PARM1: variants seen among roughly 807,000 people sequenced by gnomAD.
PARM1 encodes prostate androgen-regulated mucin-like protein 1, also known as WSC4, cell wall integrity and stress response component 4 homolog.
In PARM1, 14 loss-of-function variants were observed where a neutral mutation model predicts 24.6. That is an observed-to-expected ratio of 0.57 (90% CI 0.38 to 0.89). The LOEUF is 0.89. Ranked by LOEUF, PARM1 falls within the 40% of genes least tolerant of loss-of-function variation. The probability of loss-of-function intolerance (pLI) is 0.00; values close to 1 mark genes in which losing one functional copy is unlikely to be tolerated. For missense variants in PARM1, 362 were observed against 380.4 expected, an observed-to-expected ratio of 0.95 and a Z score of 0.40; for synonymous variants, 179 against 156.6, an observed-to-expected ratio of 1.14 and a Z score of -1.07.
At chr4:74,941,508 G>A (rs1721309579) in intron 1 of PARM1, among the ~76,000 whole-genome samples, 1 of 152,088 alleles carries the variant, frequency 6.6e-6, no homozygotes, top group African/African-American at 2.4e-5. Context: ...GAGTACTAAG[G>A]CTCAAACCAA....
At chr4:75,046,103 G>A (rs528957323) in intron 3 of PARM1, 60 bp from the exon 4 acceptor site, 10 of 1,059,040 alleles carry the variant, frequency 9.4e-6, no homozygotes, top group South Asian at 5.3e-5. Flanking sequence ...AGGGCATTAC[G>A]CTGTCCTCAG....
At chr4:74,935,734 C>G (rs537587121) in intron 1 of PARM1, among the ~76,000 whole-genome samples, 1 of 152,290 alleles carries the variant, frequency 6.6e-6, no homozygotes, top group East Asian at 1.9e-4. Flanking sequence ...TCAAAGTATA[C>G]ATAGTATTTC....
At chr4:74,943,064 A>G (rs988498386) in intron 1 of PARM1, among the ~76,000 whole-genome samples, 26 of 152,054 alleles carry the variant, frequency 1.7e-4, no homozygotes, top group African/African-American at 6.3e-4. Context: ...CCATATGACT[A>G]ATTCCCTCAC....
intron 1 of PARM1, among the ~76,000 whole-genome samples, chr4:74,965,981 C>T (rs1165279594): frequency 1.3e-5 from 2 of 152,088 alleles, no homozygotes; most frequent in Non-Finnish European, 2.9e-5. Flanking sequence ...AGCCATCTAC[C>T]AATGTTGGTT....
chr4:74,957,148 A>G (rs1266708682), intron 1 of PARM1: 3 of 152,254 alleles, frequency 2.0e-5, no homozygotes, highest in Non-Finnish European at 4.4e-5. Flanking sequence ...GGCACTTCAC[A>G]GACATTTTAA....
At chr4:75,010,250 T>A (rs1469691150) in intron 1 of PARM1, among the ~76,000 whole-genome samples, 1 of 152,252 alleles carries the variant, frequency 6.6e-6, no homozygotes, top group Non-Finnish European at 1.5e-5. Context: ...AATAAGCCAG[T>A]CATAAAAGGA....
intron 1 of PARM1, among the ~76,000 whole-genome samples, chr4:75,000,390 T>TTA (rs1722655265): frequency 6.6e-6 from 1 of 152,198 alleles, no homozygotes; most frequent in Non-Finnish European, 1.5e-5. Flanking sequence ...AGTCTGGAGA[T>TTA]AGGCATCCTA....
intron 1 of PARM1, among the ~76,000 whole-genome samples, chr4:74,951,202 A>G (rs924346410): frequency 6.6e-6 from 1 of 152,176 alleles, no homozygotes. Flanking sequence ...TATGTTAGAG[A>G]CAAATTTCAA....
At position 74,934,077 on chromosome 4, in the gene PARM1, C is replaced by A. The variant is rs1357655603; in HGVS notation, c.43+707C>A. On this transcript the variant is annotated intron_variant, in intron 1 of 3. Coordinates refer to ENST00000307428, the MANE Select transcript of PARM1 (RefSeq NM_015393.4). ...CTCCCCCTGCACCACCTCTGAAAGGCTTCGTAGGAGCCACTCTCGGGTTTC... is the reference window on the plus strand; with the variant it reads ...CTCCCCCTGCACCACCTCTGAAAGGATTCGTAGGAGCCACTCTCGGGTTTC... 2.0e-5 allele frequency among the ~76,000 whole-genome samples: 3 copies of A among 151,936 alleles called. No homozygotes were observed. The East Asian group carries it at 5.8e-4, about 29-fold the overall frequency.
intron 1 of PARM1, among the ~76,000 whole-genome samples, chr4:75,009,386 C>G (rs1722827827): frequency 6.6e-6 from 1 of 152,220 alleles, no homozygotes; most frequent in South Asian, 2.1e-4. Context: ...TTGGTCTTTT[C>G]TCCCTTCCTC....
intron 1 of PARM1, among the ~76,000 whole-genome samples, chr4:75,011,784 A>G (rs954674482): frequency 1.3e-5 from 2 of 152,290 alleles, no homozygotes; most frequent in Middle Eastern, 6.8e-3. Context: ...TTCTCTTTCT[A>G]GCTTTTATTC....
chr4:75,002,296 T>C (rs1042931804), intron 1 of PARM1, among the ~76,000 whole-genome samples: 2 of 152,168 alleles, frequency 1.3e-5, no homozygotes, highest in Non-Finnish European at 2.9e-5. Context: ...AAAATTCTGA[T>C]TTTTGCCAGG....
At chr4:74,962,679 T>G (rs1250938681) in intron 1 of PARM1, among the ~76,000 whole-genome samples, 1 of 152,216 alleles carries the variant, frequency 6.6e-6, no homozygotes, top group Non-Finnish European at 1.5e-5. Flanking sequence ...AATACTGTTT[T>G]ATTCCATTTA....
chr4:74,955,418 T>C (rs1196860644), intron 1 of PARM1, among the ~76,000 whole-genome samples: 1 of 152,182 alleles, frequency 6.6e-6, no homozygotes, highest in Non-Finnish European at 1.5e-5. Context: ...GAACCACAAA[T>C]GAGCATCAGG....
chr4:74,976,908 C>T (rs1186263601), intron 1 of PARM1, among the ~76,000 whole-genome samples: 1 of 152,076 alleles, frequency 6.6e-6, no homozygotes, highest in Non-Finnish European at 1.5e-5. Context: ...TATAAAGCAA[C>T]AACAACAATA....
intron 1 of PARM1, among the ~76,000 whole-genome samples, chr4:74,964,043 T>C (rs1013839896): frequency 6.6e-6 from 1 of 152,184 alleles, no homozygotes; most frequent in African/African-American, 2.4e-5. Flanking sequence ...TGACCCTCGC[T>C]AGGGAATGGT....
intron 1 of PARM1, among the ~76,000 whole-genome samples, chr4:74,949,393 A>G (rs898176455): frequency 6.6e-6 from 1 of 152,060 alleles, no homozygotes; most frequent in Admixed American, 6.6e-5. Context: ...ATCTCGGCTC[A>G]CTGCAAGCTC....
intron 1 of PARM1, among the ~76,000 whole-genome samples, chr4:74,941,944 T>C (rs1037224665): frequency 1.3e-5 from 2 of 152,196 alleles, no homozygotes; most frequent in Non-Finnish European, 2.9e-5. Flanking sequence ...GGGATTTGTG[T>C]TATTTTACAT....
chr4:74,964,365 C>T (rs554296621), intron 1 of PARM1, among the ~76,000 whole-genome samples: 2 of 152,322 alleles, frequency 1.3e-5, no homozygotes, highest in South Asian at 4.1e-4. Flanking sequence ...GACACACTGT[C>T]ACGTTAAGTT....
Sources: gnomAD v4.1 joint callset for allele counts (sites outside exome capture counted in the v4.1 genomes callset) on GRCh38, gnomAD v4.1.1 for gene constraint, MANE v1.5 for transcripts, NCBI Gene and HGNC (gene_info 2026-07-23, HGNC 2026-07-21) for gene names.